Variants in MON2 observed in about 807,000 individuals in gnomAD.
MON2 encodes MON2 regulator of endosome-to-Golgi trafficking.
Under a neutral mutation model 208.6 loss-of-function variants are expected in MON2, and 84 were observed. The observed-to-expected ratio is 0.40, with a 90% CI of 0.34 to 0.48. The LOEUF (loss-of-function observed/expected upper bound fraction) is 0.48. Ranked by LOEUF, MON2 falls within the 20% of genes least tolerant of loss-of-function variation. The probability of loss-of-function intolerance (pLI) is 0.59; values close to 1 mark genes in which losing one functional copy is unlikely to be tolerated. For missense variants in MON2, 1,611 were observed against 2,015.4 expected, an observed-to-expected ratio of 0.80 and a Z score of 3.84; for synonymous variants, 660 against 694.0, an observed-to-expected ratio of 0.95 and a Z score of 0.77.
At position 62,566,403 on chromosome 12, in the gene MON2, T is replaced by A; in HGVS notation, c.4276T>A (p.Cys1426Ser). The change falls in exon 29 of 35, where the codon TGT becomes AGT. Residue 1426 changes from cysteine (C) to serine (S), a missense_variant. By Grantham distance (112) the Cys-to-Ser change is moderately radical. Coordinates refer to ENST00000393630, the MANE Select transcript of MON2 (RefSeq NM_015026.3). ...TGTGGATTTATACCAAAAAACAGCG[T>A]GTCACAAAGCAGTGGTGAATGAGAA... is the stretch of plus-strand genomic sequence containing the variant. ...VVVDLYQKTA[C>S]HKAVVNEKVL... 6.2e-7 allele frequency: 1 copy of A among 1,613,752 alleles called. No homozygotes were observed. The highest frequency in any genetic ancestry group is 8.5e-7 in the Non-Finnish European group (1 of 1,179,778).
intron 23 of MON2, among the ~76,000 whole-genome samples, chr12:62,551,014 G>A (rs1258921322): frequency 6.7e-6 from 1 of 150,134 alleles, no homozygotes; most frequent in Non-Finnish European, 1.5e-5. Flanking sequence ...CTGCCTCCTG[G>A]GTTCAAGTGA....
intron 20 of MON2, 37 bp downstream of exon 20, chr12:62,543,235 T>A: frequency 1.7e-6 from 2 of 1,168,786 alleles, no homozygotes; most frequent in Non-Finnish European, 2.4e-6. Context: ...AATTTTTTAA[T>A]AAACATTTGC....
At chr12:62,529,595 A>G (rs535145513) in intron 11 of MON2, among the ~76,000 whole-genome samples, 7 of 152,290 alleles carry the variant, frequency 4.6e-5, no homozygotes, top group African/African-American at 1.7e-4. Flanking sequence ...TCACCCATTT[A>G]CAGTGTACAA....
At chr12:62,514,828 A>C (rs182317539) in intron 8 of MON2, among the ~76,000 whole-genome samples, 76 of 152,390 alleles carry the variant, frequency 5.0e-4, no homozygotes, top group Non-Finnish European at 6.5e-4. Context: ...ACAGGACATG[A>C]ATAGATATTT....
intron 33 of MON2, among the ~76,000 whole-genome samples, chr12:62,586,128 G>A (rs2075213280): frequency 1.3e-5 from 2 of 152,142 alleles, no homozygotes; most frequent in African/African-American, 4.8e-5. Flanking sequence ...ATTAGGGTTA[G>A]GTTTGCAAAT....
At chr12:62,476,212 T>C (rs1167726341) in intron 1 of MON2, among the ~76,000 whole-genome samples, 2 of 152,146 alleles carry the variant, frequency 1.3e-5, no homozygotes, top group East Asian at 1.9e-4. Flanking sequence ...AATAATTGAA[T>C]GTTACAGAAG....
chr12:62,537,741 G>GT, intron 16 of MON2, 35 bp downstream of exon 16: 4 of 1,458,316 alleles, frequency 2.7e-6, no homozygotes, highest in South Asian at 2.4e-5. Flanking sequence ...GATTAGTGTT[G>GT]TTTTTATATA....
chr12:62,532,457 G>T lies in MON2; in HGVS notation c.1420G>T (p.Val474Phe). The T allele has an allele frequency of 6.2e-7, 1 of 1,613,824 alleles. No homozygotes were observed. Among genetic ancestry groups the T allele is most frequent in the South Asian group, 1.1e-5 (1 of 91,082 alleles). Residue 474 changes from valine (V) to phenylalanine (F), a missense_variant, in exon 12 of 35, where the codon GTT becomes TTT. Physicochemically the swap from Val to Phe is conservative, Grantham distance 50 (BLOSUM62 -1). Transcript: ENST00000393630. Reference sequence around the variant, plus strand: ...TTTCAGCTTAGAAATGTTGGACAAAGTTGAGCCTCCAACTATACCTGAAGG... The same window carrying T: ...TTTCAGCTTAGAAATGTTGGACAAATTTGAGCCTCCAACTATACCTGAAGG... The part of the protein sequence containing the change: ...KATYLEMLDK[V>F]EPPTIPEGYA...
At chr12:62,497,180 G>C (rs1160405281) in intron 4 of MON2, among the ~76,000 whole-genome samples, 1 of 124,194 alleles carries the variant, frequency 8.1e-6, no homozygotes, top group Non-Finnish European at 1.7e-5. Flanking sequence ...GGGGGGAGGG[G>C]GGAGGGATAG....
chr12:62,478,458 G>A (rs1034153178), intron 1 of MON2, among the ~76,000 whole-genome samples: 3 of 152,148 alleles, frequency 2.0e-5, no homozygotes, highest in Non-Finnish European at 4.4e-5. Context: ...CTAGGAGGGT[G>A]ACAAAATCAG....
At chr12:62,549,585 C>G in intron 22 of MON2, 83 bp from the exon 23 acceptor site, 1 of 1,278,772 alleles carries the variant, frequency 7.8e-7, no homozygotes, top group Non-Finnish European at 1.1e-6. Context: ...GCACTCCAAC[C>G]TGAGTGGCAG....
chr12:62,511,916 G>A (rs1000644222), intron 8 of MON2, among the ~76,000 whole-genome samples: 4 of 152,158 alleles, frequency 2.6e-5, no homozygotes, highest in African/African-American at 9.7e-5. Context: ...GGCTGGGGAG[G>A]CCTCACAATC....
intron 1 of MON2, among the ~76,000 whole-genome samples, chr12:62,480,673 A>T (rs1194628687): frequency 6.6e-6 from 1 of 152,246 alleles, no homozygotes; most frequent in African/African-American, 2.4e-5. Flanking sequence ...CATCTCAGGA[A>T]ATCAGGACTA....
In MON2 at chr12:62,538,236, AT is replaced by A; in HGVS notation, c.2200-12del. 1 of 1,611,480 alleles carries A rather than the reference AT, an allele frequency of 6.2e-7. No homozygotes were observed. The highest frequency in any genetic ancestry group is 1.3e-5 in the African/African-American group (1 of 74,962). On this transcript the variant is annotated splice_polypyrimidine_tract_variant and intron_variant, in intron 17 of 34. Transcript: ENST00000393630. ...CCCAAAGTGTCATATATTACATTTA[AT>A]TTTATTCTTCTCAGGTTCTAACAAC...
chr12:62,470,853 A>G (rs759544728), intron 1 of MON2: 6 of 526,664 alleles, frequency 1.1e-5, no homozygotes, highest in Admixed American at 6.3e-5. Context: ...AGAGAGTAAT[A>G]TGATCAAATT....
intron 21 of MON2, among the ~76,000 whole-genome samples, chr12:62,545,242 AATTGG>A (rs2073429933): frequency 6.6e-6 from 1 of 152,044 alleles, no homozygotes; most frequent in Non-Finnish European, 1.5e-5. Context: ...AATTACCTGG[AATTGG>A]TCTCACGTTC....
At chr12:62,591,169 ACTT>A (rs889628639) in intron 34 of MON2, among the ~76,000 whole-genome samples, 65 of 152,324 alleles carry the variant, frequency 4.3e-4, no homozygotes, top group Admixed American at 3.5e-3. Context: ...AATTTTTAAA[ACTT>A]CTTAGACAGT....
At chr12:62,480,186 C>G (rs1428620702) in intron 1 of MON2, among the ~76,000 whole-genome samples, 1 of 152,174 alleles carries the variant, frequency 6.6e-6, no homozygotes, top group Non-Finnish European at 1.5e-5. Flanking sequence ...AGGCAACAAA[C>G]AGTCCTTTTG....
intron 8 of MON2, among the ~76,000 whole-genome samples, chr12:62,511,281 AG>A (rs1294875256): frequency 6.6e-6 from 1 of 152,226 alleles, no homozygotes; most frequent in Non-Finnish European, 1.5e-5. Context: ...TTGAATCTCA[AG>A]GGACCCCAAA....
Sources: gnomAD v4.1 joint callset for allele counts (sites outside exome capture counted in the v4.1 genomes callset) on GRCh38, gnomAD v4.1.1 for gene constraint, MANE v1.5 for transcripts, NCBI Gene and HGNC (gene_info 2026-07-23, HGNC 2026-07-21) for gene names.